Variants in HPSE2 observed in about 807,000 individuals in gnomAD.
The protein encoded by HPSE2 is heparanase 2 (inactive).
In HPSE2, 38 loss-of-function variants were observed where a neutral mutation model predicts 60.5. That is an observed-to-expected ratio of 0.63 (90% confidence interval 0.48 to 0.82). HPSE2 has a LOEUF of 0.82. Among genes scored for constraint, HPSE2 ranks in the 40% least tolerant of loss-of-function variants. The pLI is 0.00. For synonymous variants in HPSE2, 295 were observed against 293.2 expected, an observed-to-expected ratio of 1.01 and a Z score of -0.06; for missense variants, 713 against 740.4, an observed-to-expected ratio of 0.96 and a Z score of 0.43.
Position 98,930,951 on chromosome 10 carries a change from G to GT in HPSE2, c.611-186896dup, listed in dbSNP as rs551251350. ...CACTCTGATGATAGTTTCATTTGCTGTGAAGAAGCTCCTTAGTTTAATTAG... is the reference window on the plus strand; with the variant it reads ...CACTCTGATGATAGTTTCATTTGCTGTTGAAGAAGCTCCTTAGTTTAATTAG... On this transcript the variant is annotated intron_variant, in intron 3 of 11. Coordinates refer to ENST00000370552, the MANE Select transcript of HPSE2 (RefSeq NM_021828.5). Among the ~76,000 whole-genome samples, 85 of 144,248 alleles carry GT rather than the reference G, an allele frequency of 5.9e-4. 2 individuals are homozygous for GT. Among genetic ancestry groups the GT allele is most frequent in the Non-Finnish European group, 1.0e-3 (69 of 67,222 alleles). 94.6% of individuals were successfully genotyped at this position (144,248 alleles called of 152,430 possible).
chr10:98,821,962 A>G (rs1951434672), intron 3 of HPSE2, among the ~76,000 whole-genome samples: 1 of 152,160 alleles, frequency 6.6e-6, no homozygotes, highest in African/African-American at 2.4e-5. Flanking sequence ...CTTGGGCATC[A>G]TATAAAAAAT....
chr10:99,276,455 ACATTAATCT>A, the HPSE2 span, among the ~76,000 whole-genome samples: 1 of 152,178 alleles, frequency 6.6e-6, no homozygotes, highest in Non-Finnish European at 1.5e-5. Flanking sequence ...TTTTCACTAC[ACATTAATCT>A]CTTTCATATA....
intron 9 of HPSE2, among the ~76,000 whole-genome samples, chr10:98,591,254 A>G (rs1183456191): frequency 6.6e-6 from 1 of 152,360 alleles, no homozygotes; most frequent in East Asian, 1.9e-4. Flanking sequence ...AGACTATGGG[A>G]CAATTTACAT....
chr10:98,747,349 T>A (rs892082955), intron 3 of HPSE2, among the ~76,000 whole-genome samples: 1 of 152,194 alleles, frequency 6.6e-6, no homozygotes, highest in Non-Finnish European at 1.5e-5. Context: ...ATAGATTGAT[T>A]CCATTTAAGT....
In HPSE2 at chr10:98,482,769, G is replaced by A. The variant is rs144545292; in HGVS notation, c.1480C>T (p.Arg494Cys). The A allele has an allele frequency of 1.4e-4, 221 of 1,614,014 alleles. No homozygotes were observed. Among genetic ancestry groups the A allele is most frequent in the Admixed American group, 2.3e-4 (14 of 60,008 alleles). ...CTNHHNHNYVRGSITLFIINL... is the reference protein window; with the variant it reads ...CTNHHNHNYVCGSITLFIINL... ...ATGATAAAAAGTGTAATGGACCCAC[G>A]AACGTAGTTGTGGCTGAGATCCAGA... Residue 494 changes from arginine to cysteine, a missense_variant, in exon 11 of 12, where the codon CGT becomes TGT. By Grantham distance (180) the Arg-to-Cys change is radical. Coordinates refer to ENST00000370552, the MANE Select transcript of HPSE2 (RefSeq NM_021828.5).
chr10:98,842,233 A>G (rs1002702114), intron 3 of HPSE2, among the ~76,000 whole-genome samples: 7 of 152,070 alleles, frequency 4.6e-5, no homozygotes, highest in African/African-American at 7.3e-5. Flanking sequence ...ATACAGCAGT[A>G]TATGTTGAAG....
intron 2 of HPSE2, among the ~76,000 whole-genome samples, chr10:99,170,225 T>C (rs2040023): frequency 0.49 from 74,201 of 152,104 alleles, 20,844 homozygotes; most frequent in East Asian, 0.65. Flanking sequence ...GCTAATGCTC[T>C]TCTCACTGTA....
chr10:98,753,019 G>A lies in HPSE2; in HGVS notation c.611-8963C>T, dbSNP rs181820533. ...ATCTCAAAGAAGCAGAGGGTAGAATGGTGGATACCAGATGCTGAGGACTTT... is the reference window on the plus strand; with the variant it reads ...ATCTCAAAGAAGCAGAGGGTAGAATAGTGGATACCAGATGCTGAGGACTTT... On this transcript the variant is annotated intron_variant, in intron 3 of 11. Transcript: ENST00000370552. 3.9e-5 allele frequency among the ~76,000 whole-genome samples: 6 copies of A among 152,254 alleles called. No homozygotes were observed. The East Asian group carries it at 1.2e-3, about 29-fold the overall frequency.
At chr10:98,911,428 CA>C (rs1428498960) in intron 3 of HPSE2, among the ~76,000 whole-genome samples, 1 of 152,064 alleles carries the variant, frequency 6.6e-6, no homozygotes, top group Non-Finnish European at 1.5e-5. Context: ...GAAAGCCTCA[CA>C]AAGAAAGGAA....
chr10:98,964,008 G>GA (rs1158117280), intron 3 of HPSE2, among the ~76,000 whole-genome samples: 1 of 152,108 alleles, frequency 6.6e-6, no homozygotes, highest in Non-Finnish European at 1.5e-5. Flanking sequence ...AAGTCAATGG[G>GA]AAAAATAGTT....
chr10:99,140,328 G>A (rs187026548), intron 3 of HPSE2, among the ~76,000 whole-genome samples: 167 of 152,296 alleles, frequency 1.1e-3, no homozygotes, highest in Non-Finnish European at 2.0e-3. Context: ...CACATGACAA[G>A]AATCCTCATA....
At chr10:98,781,867 T>G (rs1950478920) in intron 3 of HPSE2, among the ~76,000 whole-genome samples, 2 of 150,974 alleles carry the variant, frequency 1.3e-5, no homozygotes, top group African/African-American at 2.4e-5. Flanking sequence ...TAATTAGAGA[T>G]GTGTACAAAG....
chr10:98,747,951 C>T (rs1949666532), intron 3 of HPSE2, among the ~76,000 whole-genome samples: 1 of 152,092 alleles, frequency 6.6e-6, no homozygotes, highest in African/African-American at 2.4e-5. Context: ...CTTTGTGTTG[C>T]ATAAAAGTGG....
intron 3 of HPSE2, among the ~76,000 whole-genome samples, chr10:98,978,554 G>A (rs1214827432): frequency 6.6e-6 from 1 of 152,136 alleles, no homozygotes; most frequent in Non-Finnish European, 1.5e-5. Flanking sequence ...CTTATTCTGT[G>A]ATTTGAAAAT....
the HPSE2 span, among the ~76,000 whole-genome samples, chr10:99,298,909 G>A: frequency 6.6e-6 from 1 of 152,142 alleles, no homozygotes; most frequent in African/African-American, 2.4e-5. Context: ...TCTTGACCTT[G>A]TGATCTGCCT....
intron 4 of HPSE2, among the ~76,000 whole-genome samples, chr10:98,732,285 C>A (rs4281428): frequency 0.038 from 5,761 of 152,100 alleles, 239 homozygotes; most frequent in East Asian, 0.17. Context: ...AAGCTAATCC[C>A]AAATTTTACA....
At chr10:98,535,753 C>T (rs1289929151) in intron 9 of HPSE2, among the ~76,000 whole-genome samples, 1 of 152,176 alleles carries the variant, frequency 6.6e-6, no homozygotes, top group Non-Finnish European at 1.5e-5. Flanking sequence ...CAACCACCCT[C>T]TCACCTCTTT....
At chr10:99,210,948 G>T (rs1374584179) in intron 2 of HPSE2, among the ~76,000 whole-genome samples, 1 of 152,036 alleles carries the variant, frequency 6.6e-6, no homozygotes, top group Admixed American at 6.6e-5. Context: ...AGAAATAAAG[G>T]CTCCAAGTTG....
intron 6 of HPSE2, among the ~76,000 whole-genome samples, chr10:98,662,920 A>G (rs1020550902): frequency 2.6e-5 from 4 of 152,212 alleles, no homozygotes; most frequent in Non-Finnish European, 5.9e-5. Flanking sequence ...AGCCTATATA[A>G]TAAATTTAGA....
Sources: allele counts gnomAD v4.1 joint callset (sites outside exome capture counted in the v4.1 genomes callset), GRCh38; gene constraint gnomAD v4.1.1; transcripts MANE v1.5; gene names NCBI Gene and HGNC (gene_info 2026-07-23, HGNC 2026-07-21).